Variants in TGFB2 observed in about 807,000 individuals in gnomAD.
The protein encoded by TGFB2 is transforming growth factor beta-2 proprotein.
In TGFB2, 13 loss-of-function variants were observed where a neutral mutation model predicts 42.7. That is an observed-to-expected ratio of 0.30 (90% CI 0.20 to 0.48). The LOEUF is 0.48. Ranked by LOEUF, TGFB2 falls within the 20% of genes least tolerant of loss-of-function variation. The pLI, the probability that TGFB2 is intolerant of heterozygous loss-of-function variation, is 0.99. For missense variants in TGFB2, 390 were observed against 517.5 expected (o/e 0.75, Z 2.39); for synonymous variants, 193 against 193.6 (o/e 1.00, Z 0.03).
rs1486332264 is a variant in TGFB2 at position 218,443,715 on chromosome 1, T to C, written c.*2353T>C. 6.6e-6 allele frequency: 1 copy of C among 152,060 alleles called. No individual in the cohort carries two copies. Among genetic ancestry groups the C allele is most frequent in the Non-Finnish European group, 1.5e-5 (1 of 67,982 alleles). The allele number at this position is 152,060 out of a possible 1,614,324, so 9.4% of individuals were successfully genotyped here. ...TTTAAGATCTCTTGAATCTGTTTTT[T>C]TTTTTTTTAATTTGGGGGTTCTGTA... On this transcript the variant is annotated 3_prime_UTR_variant, in exon 7 of 7. Transcript: ENST00000366930.
intron 1 of TGFB2, among the ~76,000 whole-genome samples, chr1:218,398,539 C>T (rs1291334169): frequency 6.6e-6 from 1 of 151,210 alleles, no homozygotes; most frequent in Admixed American, 6.6e-5. Flanking sequence ...TTTTATTAAC[C>T]TTTAACTTTA....
intron 1 of TGFB2, among the ~76,000 whole-genome samples, chr1:218,368,948 C>G (rs1461777161): frequency 6.6e-6 from 1 of 151,926 alleles, no homozygotes; most frequent in African/African-American, 2.4e-5. Context: ...GCCAGAGGGC[C>G]GTGTAGCTGT....
intron 2 of TGFB2, among the ~76,000 whole-genome samples, chr1:218,413,130 G>A (rs548225409): frequency 6.6e-6 from 1 of 151,454 alleles, no homozygotes; most frequent in Non-Finnish European, 1.5e-5. Flanking sequence ...CCAGCACTTT[G>A]GGAGGCTGAG....
intron 6 of TGFB2, among the ~76,000 whole-genome samples, chr1:218,438,911 AGCCT>A (rs1571905602): frequency 6.6e-6 from 1 of 152,156 alleles, no homozygotes; most frequent in East Asian, 1.9e-4. Context: ...GTTCAAGACC[AGCCT>A]GGTCAAGATG....
chr1:218,359,106 C>T (rs193080364), intron 1 of TGFB2, among the ~76,000 whole-genome samples: 95 of 152,158 alleles, frequency 6.2e-4, no homozygotes, highest in Non-Finnish European at 1.3e-3. Flanking sequence ...GTGCACCAAA[C>T]CTCTGACTCC....
intron 1 of TGFB2, among the ~76,000 whole-genome samples, chr1:218,381,252 GTTTTTGTT>G (rs945693398): frequency 1.8e-4 from 23 of 129,390 alleles, no homozygotes; most frequent in African/African-American, 6.4e-4. Context: ...TTTTGTTTTT[GTTTTTGTT>G]TTTTTTTTTT....
Position 218,400,214 on chromosome 1 carries a change from G to C in TGFB2, c.347-4955G>C, listed in dbSNP as rs527957027. On this transcript the variant is annotated intron_variant, in intron 1 of 6. Transcript: ENST00000366930. ...TCAATATGAAAATATGGGGTCTCTTGTTCAAAAAAAAAAAGAAAAGGAGTA... is the reference window on the plus strand; with the variant it reads ...TCAATATGAAAATATGGGGTCTCTTCTTCAAAAAAAAAAAGAAAAGGAGTA... 7.3e-5 allele frequency among the ~76,000 whole-genome samples: 11 copies of C among 150,004 alleles called. No individual in the cohort carries two copies. The South Asian group carries it at 1.3e-3, about 17-fold the overall frequency.
chr1:218,405,748 T>C (rs1658891509), intron 2 of TGFB2, among the ~76,000 whole-genome samples: 1 of 152,182 alleles, frequency 6.6e-6, no homozygotes, highest in Non-Finnish European at 1.5e-5. Context: ...TCTTAGCTGA[T>C]ATAAGCCATG....
At chr1:218,438,179 T>C (rs1002992914) in intron 6 of TGFB2, among the ~76,000 whole-genome samples, 1 of 152,184 alleles carries the variant, frequency 6.6e-6, no homozygotes, top group Admixed American at 6.5e-5. Context: ...TCTGCCTCCA[T>C]AAGTTTTATA....
chr1:218,443,942 C>T lies in TGFB2; in HGVS notation c.*2580C>T, dbSNP rs544454418. 6 of 152,134 alleles carry T rather than the reference C, an allele frequency of 3.9e-5. No homozygotes were observed. Among genetic ancestry groups the T allele is most frequent in the Middle Eastern group, 3.4e-3 (1 of 294 alleles). The allele number at this position is 152,134 out of a possible 1,614,324, so 9.4% of individuals were successfully genotyped here. On this transcript the variant is annotated 3_prime_UTR_variant, in exon 7 of 7. Coordinates refer to ENST00000366930, the MANE Select transcript of TGFB2 (RefSeq NM_003238.6). ...TGACCAATTACGCTGTATTTTAACA[C>T]GATGTATGTCTGTTTTTGTGGTGCT...
chr1:218,424,022 C>A (rs1428302184), intron 2 of TGFB2, among the ~76,000 whole-genome samples: 1 of 152,230 alleles, frequency 6.6e-6, no homozygotes, highest in Non-Finnish European at 1.5e-5. Flanking sequence ...TCAAAGAACT[C>A]TAAGGGACCA....
In TGFB2 at chr1:218,444,059, G is replaced by C. The variant is rs1245468376; in HGVS notation, c.*2697G>C. 1 of 151,978 alleles carries C rather than the reference G, an allele frequency of 6.6e-6. No homozygotes were observed. Among genetic ancestry groups the C allele is most frequent in the East Asian group, 1.9e-4 (1 of 5,174 alleles). 9.4% of individuals were successfully genotyped at this position (151,978 alleles called of 1,614,324 possible). ...CTAGAAAACACCTGTGATGCAATAAGACTATCTCAAGCTGGAAAAGTCATA... is the reference window on the plus strand; with the variant it reads ...CTAGAAAACACCTGTGATGCAATAACACTATCTCAAGCTGGAAAAGTCATA... On this transcript the variant is annotated 3_prime_UTR_variant, in exon 7 of 7. Coordinates refer to ENST00000366930, the MANE Select transcript of TGFB2 (RefSeq NM_003238.6).
At chr1:218,427,646 C>G (rs756964741) in intron 2 of TGFB2, among the ~76,000 whole-genome samples, 4 of 152,138 alleles carry the variant, frequency 2.6e-5, no homozygotes, top group Non-Finnish European at 4.4e-5. Context: ...CATCCATGTC[C>G]CTACAGAAGA....
chr1:218,441,141 A>G, intron 6 of TGFB2, 63 bp from the exon 7 acceptor site: 1 of 1,510,798 alleles, frequency 6.6e-7, no homozygotes, highest in Admixed American at 2.3e-5. Context: ...TTCTTTTTAA[A>G]AACGAATTGC....
At chr1:218,423,277 A>T (rs56141119) in intron 2 of TGFB2, among the ~76,000 whole-genome samples, 2,126 of 152,322 alleles carry the variant, frequency 0.014, 24 homozygotes, top group Non-Finnish European at 0.022. Context: ...GATTTAAATA[A>T]GTTTATGTTT....
intron 1 of TGFB2, among the ~76,000 whole-genome samples, chr1:218,385,904 C>T (rs1658119048): frequency 1.3e-5 from 2 of 152,154 alleles, no homozygotes; most frequent in Non-Finnish European, 2.9e-5. Flanking sequence ...GCCTCTCCCC[C>T]AGCCTTTTCC....
intron 6 of TGFB2, among the ~76,000 whole-genome samples, chr1:218,438,878 G>T (rs1179459533): frequency 1.3e-5 from 2 of 152,146 alleles, no homozygotes; most frequent in African/African-American, 4.8e-5. Context: ...GGAGGCCGAG[G>T]CAGGTGGATC....
intron 1 of TGFB2, among the ~76,000 whole-genome samples, chr1:218,347,430 C>G (rs1352081893): frequency 6.6e-6 from 1 of 152,146 alleles, no homozygotes; most frequent in Non-Finnish European, 1.5e-5. Context: ...TTTCTTTGCT[C>G]CGATTGGCGT....
chr1:218,423,050 T>C (rs1014401021), intron 2 of TGFB2, among the ~76,000 whole-genome samples: 4 of 152,132 alleles, frequency 2.6e-5, no homozygotes, highest in Non-Finnish European at 5.9e-5. Flanking sequence ...CCTTCCAGAG[T>C]ATGGATGTGG....
Sources: gnomAD v4.1 joint callset for allele counts (sites outside exome capture counted in the v4.1 genomes callset) on GRCh38, gnomAD v4.1.1 for gene constraint, MANE v1.5 for transcripts, NCBI Gene and HGNC (gene_info 2026-07-23, HGNC 2026-07-21) for gene names.